The following TMEM41A variants were observed in gnomAD, a reference collection of about 807,000 sequenced individuals.
The protein encoded by TMEM41A is transmembrane protein 41A.
Under a neutral mutation model 25.7 loss-of-function variants are expected in TMEM41A, and 20 were observed. The observed-to-expected ratio is 0.78, with a 90% CI of 0.55 to 1.13. TMEM41A has a LOEUF of 1.13. Ranked by LOEUF, TMEM41A falls within the 50% of genes most tolerant of loss-of-function variation. The pLI is 0.00. For missense variants in TMEM41A, 299 were observed against 314.3 expected (o/e 0.95, Z 0.37); for synonymous variants, 133 against 139.6 (o/e 0.95, Z 0.33).
chr3:185,495,350 T>G, intron 2 of TMEM41A, 35 bp from the exon 3 acceptor site: 1 of 1,598,760 alleles, frequency 6.3e-7, no homozygotes, highest in Non-Finnish European at 8.5e-7. Flanking sequence ...CATGTGAACA[T>G]CTGGCAGCTA....
At chr3:185,496,772 A>T (rs1042302285) in intron 2 of TMEM41A, 56 bp downstream of exon 2, 99 of 1,560,874 alleles carry the variant, frequency 6.3e-5, no homozygotes, top group Non-Finnish European at 7.9e-5. Flanking sequence ...GTTACAGGGG[A>T]GTATCCAAAT....
chr3:185,496,846 G>T lies in TMEM41A; in HGVS notation c.255C>A (p.Ile85=), dbSNP rs755094496. ...CACTGACCAGGAAGCTGGAGCCGGG[G>T]ATGGCAAAGCCCTGTTTGTAGAGGT... ...GAYLYKQGFA[I]PGSSFLNVLA... Residue 85 remains isoleucine (I), a synonymous_variant, in exon 2 of 5, where the codon ATC becomes ATA. Transcript: ENST00000421852. 6.2e-7 allele frequency: 1 copy of T among 1,607,758 alleles called. No individual in the cohort carries two copies. Among genetic ancestry groups the T allele is most frequent in the South Asian group, 1.1e-5 (1 of 89,220 alleles).
intron 4 of TMEM41A, among the ~76,000 whole-genome samples, chr3:185,491,997 T>G (rs1483337767): frequency 6.6e-6 from 1 of 152,118 alleles, no homozygotes; most frequent in Non-Finnish European, 1.5e-5. Context: ...AAATAATACA[T>G]GCTACTATAA....
intron 4 of TMEM41A, 71 bp downstream of exon 4, chr3:185,494,552 G>A (rs753152156): frequency 9.1e-6 from 13 of 1,433,448 alleles, no homozygotes; most frequent in Middle Eastern, 2.1e-4. Flanking sequence ...ATGCTCACGT[G>A]GCCAATAACC....
chr3:185,492,957 T>C (rs1288748189), intron 4 of TMEM41A: 2 of 152,152 alleles, frequency 1.3e-5, no homozygotes, highest in Non-Finnish European at 2.9e-5. Flanking sequence ...ATGACCAAAA[T>C]TGGCCGTGGT....
At chr3:185,494,467 A>G (rs910693964) in intron 4 of TMEM41A, 156 bp downstream of exon 4, 1 of 885,970 alleles carries the variant, frequency 1.1e-6, no homozygotes, top group African/African-American at 1.7e-5. Flanking sequence ...AGCAGATCTG[A>G]AATCAGGAAT....
Position 185,495,543 on chromosome 3 carries a change from C to T in TMEM41A, c.274-228G>A, listed in dbSNP as rs146447752. ...GCATCCTCGAACTCCTGGACTCAAG[C>T]GATCCTCCTGCCTCAGCCTCCCAAG... On this transcript the variant is annotated intron_variant, in intron 2 of 4. Coordinates refer to ENST00000421852, the MANE Select transcript of TMEM41A (RefSeq NM_080652.4). The T allele has an allele frequency of 2.2e-5, 12 of 551,750 alleles. No individual in the cohort carries two copies. In the East Asian group the frequency reaches 2.4e-4, roughly 11 times the overall value. 34.2% of individuals were successfully genotyped at this position (551,750 alleles called of 1,614,324 possible).
chr3:185,495,465 G>T, intron 2 of TMEM41A, 150 bp from the exon 3 acceptor site: 1 of 736,000 alleles, frequency 1.4e-6, no homozygotes, highest in Non-Finnish European at 2.2e-6. Flanking sequence ...TTAAGAAACA[G>T]GATCTCGCTC....
Position 185,499,003 on chromosome 3 carries a change from A to C in TMEM41A, c.-42T>G. The C allele has an allele frequency of 5.5e-5, 84 of 1,527,778 alleles. No individual in the cohort carries two copies. The highest frequency in any genetic ancestry group is 6.7e-5 in the Non-Finnish European group (75 of 1,120,890). 94.6% of individuals were successfully genotyped at this position (1,527,778 alleles called of 1,614,324 possible). ...GGCCCGCGGGGCAGCCGAGAAGCTCACTTGCACTCCGGGACGCAGCGGCGG... is the reference window on the plus strand; with the variant it reads ...GGCCCGCGGGGCAGCCGAGAAGCTCCCTTGCACTCCGGGACGCAGCGGCGG... On this transcript the variant is annotated 5_prime_UTR_variant, in exon 1 of 5. Transcript: ENST00000421852.
intron 1 of TMEM41A, chr3:185,498,359 T>G (rs1577653556): frequency 6.6e-6 from 1 of 150,860 alleles, no homozygotes; most frequent in East Asian, 2.1e-4. Flanking sequence ...GTCTATGCAA[T>G]ATTTCTCCTG....
rs1560146227 is a variant in TMEM41A, at chr3:185,491,767, G to A, written c.575-10C>T. On this transcript the variant is annotated splice_polypyrimidine_tract_variant and intron_variant, in intron 4 of 4. Coordinates refer to ENST00000421852, the MANE Select transcript of TMEM41A (RefSeq NM_080652.4). ...TTATATGGGATCAAACCTGGAAGAA[G>A]AAAAGGACAAAGCACCTGTTACAAG... The A allele has an allele frequency of 1.3e-6, 2 of 1,588,702 alleles. No homozygotes were observed. Among genetic ancestry groups the A allele is most frequent in the Non-Finnish European group, 1.7e-6 (2 of 1,164,936 alleles).
rs1389016920 is a variant in TMEM41A at position 185,490,191 on chromosome 3, A to G, written c.*1346T>C. ...ACAATTCTGTACTGCAGCTACAGGA[A>G]GTAATGACAGCTATAGGCCATTAAG... is the stretch of plus-strand genomic sequence containing the variant. On this transcript the variant is annotated 3_prime_UTR_variant, in exon 5 of 5. Transcript: ENST00000421852. 6.6e-6 allele frequency: 1 copy of G among 152,240 alleles called. No homozygotes were observed. The highest frequency in any genetic ancestry group is 1.5e-5 in the Non-Finnish European group (1 of 68,048). 9.4% of individuals were successfully genotyped at this position (152,240 alleles called of 1,614,324 possible).
rs1398619289 is a variant in TMEM41A at position 185,499,019 on chromosome 3, G to T, written c.-58C>A. On this transcript the variant is annotated 5_prime_UTR_variant, in exon 1 of 5. Coordinates refer to ENST00000421852, the MANE Select transcript of TMEM41A (RefSeq NM_080652.4). ...GAGAAGCTCACTTGCACTCCGGGAC[G>T]CAGCGGCGGGCGGACTGAGCCCGCG... 6.9e-7 allele frequency: 1 copy of T among 1,451,788 alleles called. No individual in the cohort carries two copies. Among genetic ancestry groups the T allele is most frequent in the African/African-American group, 1.4e-5 (1 of 69,986 alleles). 89.9% of individuals were successfully genotyped at this position (1,451,788 alleles called of 1,614,324 possible).
At chr3:185,495,410 A>C in intron 2 of TMEM41A, 95 bp from the exon 3 acceptor site, 1 of 1,234,988 alleles carries the variant, frequency 8.1e-7, no homozygotes, top group South Asian at 1.4e-5. Context: ...CTCCTCCTTC[A>C]CTGCTTTTTT....
Position 185,491,485 on chromosome 3 carries a change from A to G in TMEM41A, c.*52T>C. On this transcript the variant is annotated 3_prime_UTR_variant, in exon 5 of 5. Transcript: ENST00000421852. ...TGAGGGGCTTTAGAGGACCACATCCATTACACAAATAAGCAACTGAGTCCA... is the reference window on the plus strand; with the variant it reads ...TGAGGGGCTTTAGAGGACCACATCCGTTACACAAATAAGCAACTGAGTCCA... 1 of 1,453,548 alleles carries G rather than the reference A, an allele frequency of 6.9e-7. No homozygotes were observed. Among genetic ancestry groups the G allele is most frequent in the Admixed American group, 1.7e-5 (1 of 59,234 alleles). The allele number at this position is 1,453,548 out of a possible 1,614,324, so 90.0% of individuals were successfully genotyped here. A position where few individuals can be genotyped will look rare whatever the true frequency, so the allele number is the denominator to read the frequency against.
chr3:185,498,102 TA>T (rs1560148908), intron 1 of TMEM41A, among the ~76,000 whole-genome samples: 1 of 72,218 alleles, frequency 1.4e-5, no homozygotes, highest in African/African-American at 5.8e-5. Context: ...GCGTCCCTAC[TA>T]AAAATACAAA....
chr3:185,492,813 G>A (rs1186967796), intron 4 of TMEM41A: 5 of 152,148 alleles, frequency 3.3e-5, no homozygotes, highest in Non-Finnish European at 7.3e-5. Flanking sequence ...GACCCCTCAG[G>A]GTCACACAGC....
intron 4 of TMEM41A, chr3:185,493,160 G>A (rs570968615): frequency 2.0e-5 from 3 of 152,300 alleles, no homozygotes; most frequent in African/African-American, 4.8e-5. Context: ...TATGGAGAAA[G>A]TAGCAAACAC....
chr3:185,497,040 A>C, intron 1 of TMEM41A, 59 bp from the exon 2 acceptor site: 1 of 1,533,486 alleles, frequency 6.5e-7, no homozygotes, highest in South Asian at 1.2e-5. Flanking sequence ...TGCCCATGAA[A>C]GTCACTCGCT....
Sources: gnomAD v4.1 joint callset for allele counts (sites outside exome capture counted in the v4.1 genomes callset) on GRCh38, gnomAD v4.1.1 for gene constraint, MANE v1.5 for transcripts, NCBI Gene and HGNC (gene_info 2026-07-23, HGNC 2026-07-21) for gene names.